RBM26: variants seen among roughly 807,000 people sequenced by gnomAD.
The protein encoded by RBM26 is RNA binding motif protein 26.
In RBM26, 30 loss-of-function variants were observed where a neutral mutation model predicts 123.6. That is an observed-to-expected ratio of 0.24 (90% confidence interval 0.18 to 0.33). RBM26 has a LOEUF of 0.33. RBM26 is among the 10% of genes least tolerant of loss of function. The probability of loss-of-function intolerance (pLI) is 1.00; values close to 1 mark genes in which losing one functional copy is unlikely to be tolerated. For missense variants in RBM26, 947 were observed against 1,203.6 expected, an observed-to-expected ratio of 0.79 and a Z score of 3.15; for synonymous variants, 400 against 404.4, an observed-to-expected ratio of 0.99 and a Z score of 0.13.
chr13:79,393,147 G>A (rs1031668583), intron 1 of RBM26, among the ~76,000 whole-genome samples: 17 of 152,322 alleles, frequency 1.1e-4, no homozygotes, highest in Non-Finnish European at 1.5e-5. Context: ...TCTGAGTGTA[G>A]AGCACAAGGG....
intron 1 of RBM26, among the ~76,000 whole-genome samples, chr13:79,382,881 G>A (rs1437965769): frequency 1.4e-5 from 2 of 145,196 alleles, no homozygotes; most frequent in South Asian, 2.2e-4. Flanking sequence ...TGACCAAGAT[G>A]GTAAATGGAT....
intron 1 of RBM26, among the ~76,000 whole-genome samples, chr13:79,386,659 T>G (rs1168223282): frequency 1.2e-5 from 1 of 80,898 alleles, no homozygotes; most frequent in South Asian, 3.9e-4. Flanking sequence ...ATATTTAGGG[T>G]TTTTTTTTTT....
intron 3 of RBM26, among the ~76,000 whole-genome samples, chr13:79,373,597 ATT>A (rs1434811317): frequency 1.8e-5 from 2 of 112,002 alleles, no homozygotes; most frequent in African/African-American, 7.1e-5. Context: ...TACTATATAT[ATT>A]TATATAGTAT....
chr13:79,369,109 T>C (rs997880962), intron 5 of RBM26, 119 bp from the exon 6 acceptor site: 2 of 575,278 alleles, frequency 3.5e-6, no homozygotes, highest in East Asian at 6.6e-5. Context: ...TTTTGCATAA[T>C]AATCATTTTC....
chr13:79,361,248 TAC>T (rs1410970822), intron 9 of RBM26, among the ~76,000 whole-genome samples: 1 of 152,144 alleles, frequency 6.6e-6, no homozygotes, highest in African/African-American at 2.4e-5. Flanking sequence ...ATGCCATACA[TAC>T]AGAGACTCAA....
At chr13:79,314,084 CTACA>C (rs1194497570), downstream of RBM26, 3 of 151,590 alleles carry the variant, frequency 2.0e-5, no homozygotes, top group Non-Finnish European at 3.0e-5. Context: ...GATATTGTGG[CTACA>C]TATTTAGGAT....
intron 19 of RBM26, among the ~76,000 whole-genome samples, chr13:79,334,947 G>A (rs1475394645): frequency 1.3e-5 from 2 of 152,026 alleles, no homozygotes; most frequent in Non-Finnish European, 2.9e-5. Context: ...AACTGACCAT[G>A]GTTTTGCTTA....
intron 20 of RBM26, among the ~76,000 whole-genome samples, chr13:79,332,453 A>C (rs1438765898): frequency 6.6e-6 from 1 of 152,184 alleles, no homozygotes; most frequent in African/African-American, 2.4e-5. Context: ...CTGCTTGTAT[A>C]AGATAAGCTT....
intron 3 of RBM26, 41 bp downstream of exon 3, chr13:79,377,338 T>C (rs747458095): frequency 6.4e-6 from 10 of 1,559,556 alleles, no homozygotes; most frequent in African/African-American, 5.4e-5. Context: ...ATTCCTCTTA[T>C]GTGTTTAAAT....
At chr13:79,386,199 T>C (rs1031060904) in intron 1 of RBM26, among the ~76,000 whole-genome samples, 1 of 152,118 alleles carries the variant, frequency 6.6e-6, no homozygotes, top group East Asian at 1.9e-4. Flanking sequence ...TTTGGCTTAA[T>C]AGAAGACAGG....
chr13:79,359,900 C>G (rs1412249416), intron 9 of RBM26, among the ~76,000 whole-genome samples: 1 of 151,628 alleles, frequency 6.6e-6, no homozygotes, highest in Non-Finnish European at 1.5e-5. Context: ...TAGTCAACCA[C>G]AGTCCAAAAT....
chr13:79,337,093 A>G lies in RBM26; in HGVS notation c.2733+9T>C. The stretch of plus-strand genomic sequence containing the variant: ...TCAGCATTTGTTTTGTTGAGCAGTA[A>G]GAAAGTACCGCAAAATGAGGAAGAA... On this transcript the variant is annotated intron_variant, in intron 19 of 21. Transcript: ENST00000438737. The G allele has an allele frequency of 3.7e-6, 6 of 1,611,766 alleles. No homozygotes were observed. The highest frequency in any genetic ancestry group is 5.1e-6 in the Non-Finnish European group (6 of 1,178,220).
At chr13:79,312,574 G>A (rs997991119) in exon 5 of RBM26, 4 of 152,016 alleles carry the variant, frequency 2.6e-5, no homozygotes, top group Non-Finnish European at 4.4e-5. Context: ...ACATATTTTA[G>A]TATTAGAAAA....
chr13:79,395,637 C>A (rs2140465643), intron 1 of RBM26, among the ~76,000 whole-genome samples: 1 of 152,056 alleles, frequency 6.6e-6, no homozygotes, highest in African/African-American at 2.4e-5. Flanking sequence ...GACTGCCATT[C>A]CAGCTACTGA....
chr13:79,327,666 C>G (rs912150303), intron 20 of RBM26, among the ~76,000 whole-genome samples: 11 of 151,674 alleles, frequency 7.3e-5, no homozygotes, highest in African/African-American at 2.2e-4. Context: ...TATGAAGAAC[C>G]AATAGAAAAT....
chr13:79,370,840 A>C, intron 5 of RBM26, 105 bp downstream of exon 5: 1 of 1,222,082 alleles, frequency 8.2e-7, no homozygotes, highest in Non-Finnish European at 1.1e-6. Context: ...AGAATACATC[A>C]TAATAGAAAA....
intron 10 of RBM26, 92 bp from the exon 11 acceptor site, chr13:79,358,525 T>C: frequency 1.0e-6 from 1 of 979,192 alleles, no homozygotes; most frequent in South Asian, 1.6e-5. Context: ...AGATATCCAA[T>C]TAAGTTCAAT....
At chr13:79,377,651 G>A in intron 2 of RBM26, 136 bp from the exon 3 acceptor site, 1 of 719,648 alleles carries the variant, frequency 1.4e-6, no homozygotes, top group Non-Finnish European at 2.2e-6. Flanking sequence ...CACTGGCCAG[G>A]CGTGGTGGCT....
intron 14 of RBM26, among the ~76,000 whole-genome samples, chr13:79,347,196 A>T (rs1363313517): frequency 1.3e-5 from 2 of 151,640 alleles, no homozygotes; most frequent in Non-Finnish European, 2.9e-5. Context: ...TTTTTTATCC[A>T]GGAACATCCT....
Sources: gnomAD v4.1 joint callset for allele counts (sites outside exome capture counted in the v4.1 genomes callset) on GRCh38, gnomAD v4.1.1 for gene constraint, MANE v1.5 for transcripts, NCBI Gene and HGNC (gene_info 2026-07-23, HGNC 2026-07-21) for gene names.